Variants in PSPC1 observed in about 807,000 individuals in gnomAD.
PSPC1 encodes the protein paraspeckle protein 1.
In PSPC1, 14 loss-of-function variants were observed where a neutral mutation model predicts 51.6. The ratio of observed to expected loss-of-function variants is 0.27; its 90% confidence interval spans 0.18 to 0.42. The LOEUF (loss-of-function observed/expected upper bound fraction) is 0.42. Among genes scored for constraint, PSPC1 ranks in the 10% least tolerant of loss-of-function variants. PSPC1 has a pLI of 1.00. For missense variants in PSPC1, 406 were observed against 701.1 expected (o/e 0.58, Z 4.75); for synonymous variants, 193 against 231.9 (o/e 0.83, Z 1.53).
intron 4 of PSPC1, among the ~76,000 whole-genome samples, chr13:19,746,761 A>G (rs1236756426): frequency 2.6e-5 from 4 of 152,102 alleles, no homozygotes; most frequent in African/African-American, 9.7e-5. Flanking sequence ...AATAATTATC[A>G]GTAAAGTATA....
At chr13:19,737,413 C>G (rs886280738) in intron 5 of PSPC1, among the ~76,000 whole-genome samples, 6 of 152,182 alleles carry the variant, frequency 3.9e-5, no homozygotes, top group African/African-American at 1.4e-4. Context: ...TGTAGAATGT[C>G]CTTGAATTTG....
chr13:19,694,064 A>T (rs1009145561), intron 6 of PSPC1, among the ~76,000 whole-genome samples: 50 of 132,770 alleles, frequency 3.8e-4, no homozygotes, highest in Admixed American at 6.2e-4. Context: ...CGGAGCCTGC[A>T]GTGAGCCGAG....
intron 5 of PSPC1, among the ~76,000 whole-genome samples, chr13:19,731,145 C>T (rs1232983001): frequency 6.6e-6 from 1 of 152,036 alleles, no homozygotes; most frequent in Non-Finnish European, 1.5e-5. Flanking sequence ...TATTCATCAA[C>T]CCACTGAAAG....
At chr13:19,740,995 G>A (rs989518617) in intron 5 of PSPC1, among the ~76,000 whole-genome samples, 3 of 151,530 alleles carry the variant, frequency 2.0e-5, no homozygotes, top group Non-Finnish European at 1.5e-5. Flanking sequence ...CTGCCTCAAC[G>A]CCCTGAGTAG....
chr13:19,780,760 T>C (rs1281186911), intron 1 of PSPC1, among the ~76,000 whole-genome samples: 3 of 150,208 alleles, frequency 2.0e-5, no homozygotes, highest in Non-Finnish European at 4.4e-5. Flanking sequence ...TATTGTCCCA[T>C]GACCCTGCCA....
rs968220848 is a variant in PSPC1, at chr13:19,702,904, A to C, written c.*271T>G. 9.0e-5 allele frequency: 22 copies of C among 244,038 alleles called. No homozygotes were observed. Among genetic ancestry groups the C allele is most frequent in the Non-Finnish European group, 4.1e-5 (5 of 122,788 alleles). 15.1% of individuals were successfully genotyped at this position (244,038 alleles called of 1,614,324 possible). A position where few individuals can be genotyped will look rare whatever the true frequency, so the allele number is the denominator to read the frequency against. Reference sequence around the variant, plus strand: ...CAAAATGATTTCTTTATTGAGATTAACTACATAGATTTCACAGTACTATGG... The same window carrying C: ...CAAAATGATTTCTTTATTGAGATTACCTACATAGATTTCACAGTACTATGG... On this transcript the variant is annotated 3_prime_UTR_variant, in exon 9 of 9. Coordinates refer to ENST00000338910, the MANE Select transcript of PSPC1 (RefSeq NM_001354909.2).
intron 6 of PSPC1, among the ~76,000 whole-genome samples, chr13:19,683,405 G>A (rs975343188): frequency 1.3e-4 from 19 of 151,948 alleles, no homozygotes; most frequent in African/African-American, 2.2e-4. Context: ...GGAAGAAGCC[G>A]GAGAGAAAAA....
intron 1 of PSPC1, among the ~76,000 whole-genome samples, chr13:19,773,953 T>C (rs142456514): frequency 6.6e-6 from 1 of 152,148 alleles, no homozygotes; most frequent in Non-Finnish European, 1.5e-5. Flanking sequence ...CATCTTGCCC[T>C]AGCCAATGTC....
At chr13:19,751,691 A>C (rs1441630498) in intron 3 of PSPC1, among the ~76,000 whole-genome samples, 1 of 152,178 alleles carries the variant, frequency 6.6e-6, no homozygotes, top group East Asian at 1.9e-4. Context: ...TGATGCCACA[A>C]CCTGCATTCT....
intron 2 of PSPC1, among the ~76,000 whole-genome samples, chr13:19,771,687 C>A (rs980064401): frequency 1.3e-5 from 2 of 151,740 alleles, no homozygotes; most frequent in Non-Finnish European, 2.9e-5. Context: ...GTGGCATGAT[C>A]TCGGCTCACT....
intron 6 of PSPC1, among the ~76,000 whole-genome samples, chr13:19,715,656 G>A (rs990268764): frequency 6.6e-6 from 1 of 152,172 alleles, no homozygotes; most frequent in Non-Finnish European, 1.5e-5. Flanking sequence ...AGCACTTTGG[G>A]AGGCTGAGAT....
At chr13:19,672,153 T>A, downstream of PSPC1, 1 of 366,902 alleles carries the variant, frequency 2.7e-6, no homozygotes, top group African/African-American at 2.1e-5. Flanking sequence ...CTTCACTTTC[T>A]TTTTTCTGGA....
At position 19,782,232 on chromosome 13, in the gene PSPC1, G is replaced by A. The variant is rs769035681; in HGVS notation, c.372+154C>T. ...ACCAAAGGCGCCGAGCTGGGGAAGC[G>A]GCCAACCCCGCACAGAGGAATCGAT... On this transcript the variant is annotated intron_variant, in intron 1 of 8. Coordinates refer to ENST00000338910, the MANE Select transcript of PSPC1 (RefSeq NM_001354909.2). The surrounding 1 kb of genome is among the most constrained non-coding windows in gnomAD (Gnocchi z 4.5). Among the ~76,000 whole-genome samples the A allele has an allele frequency of 1.3e-5, 2 of 152,324 alleles. No individual in the cohort carries two copies. The highest frequency in any genetic ancestry group is 2.4e-5 in the African/African-American group (1 of 41,586).
chr13:19,707,692 A>AG (rs1880878359), intron 7 of PSPC1, among the ~76,000 whole-genome samples: 1 of 152,172 alleles, frequency 6.6e-6, no homozygotes, highest in South Asian at 2.1e-4. Context: ...TAACTAAATA[A>AG]GGACTCTAAA....
chr13:19,764,913 TC>T lies in PSPC1; in HGVS notation c.675-5496del, dbSNP rs200131578. On this transcript the variant is annotated intron_variant, in intron 2 of 8. Coordinates refer to ENST00000338910, the MANE Select transcript of PSPC1 (RefSeq NM_001354909.2). ...CATGCTTAGCTAATTTTTTTATTTTTCTTTTGTAGAGATAGGGTTTTGCCAT... is the reference window on the plus strand; with the variant it reads ...CATGCTTAGCTAATTTTTTTATTTTTTTTTGTAGAGATAGGGTTTTGCCAT... Among the ~76,000 whole-genome samples, 855 of 148,962 alleles carry T rather than the reference TC, an allele frequency of 5.7e-3. 6 individuals are homozygous for T. Among genetic ancestry groups the T allele is most frequent in the South Asian group, 0.027 (130 of 4,758 alleles).
At chr13:19,701,673 A>G (rs1329872916), downstream of PSPC1, among the ~76,000 whole-genome samples, 1 of 152,230 alleles carries the variant, frequency 6.6e-6, no homozygotes, top group Admixed American at 6.5e-5. Flanking sequence ...GCTTTTATGC[A>G]AAATTTAAAT....
chr13:19,746,002 G>GTTT (rs1389960770), intron 4 of PSPC1, among the ~76,000 whole-genome samples: 2 of 136,520 alleles, frequency 1.5e-5, no homozygotes, highest in African/African-American at 2.7e-5. Flanking sequence ...TATTTGTTTT[G>GTTT]TTTTTTGTTT....
At chr13:19,734,448 A>G (rs2137968337) in intron 5 of PSPC1, among the ~76,000 whole-genome samples, 1 of 152,322 alleles carries the variant, frequency 6.6e-6, no homozygotes, top group Admixed American at 6.5e-5. Flanking sequence ...ATGGCTCCAC[A>G]TCCAACACAG....
At chr13:19,684,126 T>G (rs1379363014) in intron 6 of PSPC1, among the ~76,000 whole-genome samples, 1 of 152,096 alleles carries the variant, frequency 6.6e-6, no homozygotes, top group African/African-American at 2.4e-5. Flanking sequence ...CACTGAAAAT[T>G]TTCAACCTTA....
Sources: allele counts gnomAD v4.1 joint callset (sites outside exome capture counted in the v4.1 genomes callset), GRCh38; gene constraint gnomAD v4.1.1; non-coding constraint Gnocchi (gnomAD v3.1); transcripts MANE v1.5; gene names NCBI Gene and HGNC (gene_info 2026-07-23, HGNC 2026-07-21).